The following KCTD16 variants were observed in gnomAD, a reference collection of about 807,000 sequenced individuals.
KCTD16 encodes BTB/POZ domain-containing protein KCTD16.
KCTD16 carries 13 observed loss-of-function variants against 33.2 expected under a neutral mutation model. That is an observed-to-expected ratio of 0.39 (90% CI 0.25 to 0.62). The LOEUF (loss-of-function observed/expected upper bound fraction) is 0.62. Among genes scored for constraint, KCTD16 ranks in the 20% least tolerant of loss-of-function variants. The probability of loss-of-function intolerance (pLI) is 0.50; values close to 1 mark genes in which losing one functional copy is unlikely to be tolerated. For missense variants in KCTD16, 441 were observed against 525.1 expected, an observed-to-expected ratio of 0.84 and a Z score of 1.57; for synonymous variants, 197 against 195.3, an observed-to-expected ratio of 1.01 and a Z score of -0.07.
At chr5:144,311,934 A>G (rs1265804289) in intron 3 of KCTD16, among the ~76,000 whole-genome samples, 1 of 152,090 alleles carries the variant, frequency 6.6e-6, no homozygotes, top group Non-Finnish European at 1.5e-5. Context: ...TTCAAATCTT[A>G]AAAGGTGATT....
Position 144,475,711 on chromosome 5 carries a change from T to A in KCTD16, c.*1597T>A, listed in dbSNP as rs543896990. 2.0e-5 allele frequency: 3 copies of A among 152,648 alleles called. No homozygotes were observed. The highest frequency in any genetic ancestry group is 4.4e-5 in the Non-Finnish European group (3 of 68,032). The allele number at this position is 152,648 out of a possible 1,614,324, so 9.5% of individuals were successfully genotyped here. On this transcript the variant is annotated 3_prime_UTR_variant, in exon 4 of 4. Coordinates refer to ENST00000512467, the MANE Select transcript of KCTD16 (RefSeq NM_020768.4). ...TGTGTATCACAGGTAATAAAGGCAA[T>A]TGGATGATATCTGTAGGAGGAAAAC...
intron 3 of KCTD16, among the ~76,000 whole-genome samples, chr5:144,426,538 A>G (rs575265562): frequency 1.3e-5 from 2 of 152,104 alleles, no homozygotes; most frequent in Admixed American, 6.6e-5. Context: ...TTTTTTTAAA[A>G]ATAGTATTAG....
At chr5:144,473,550 G>A in intron 3 of KCTD16, 110 bp from the exon 4 acceptor site, 1 of 1,143,942 alleles carries the variant, frequency 8.7e-7, no homozygotes, top group Non-Finnish European at 1.2e-6. Context: ...TAAAAGCATG[G>A]TTCTGCGATG....
At chr5:144,452,165 T>TATATATATATATATATATATATATATA (rs1561613198) in intron 3 of KCTD16, among the ~76,000 whole-genome samples, 7 of 148,272 alleles carry the variant, frequency 4.7e-5, no homozygotes, top group African/African-American at 1.8e-4. Flanking sequence ...TATATATATA[T>TATATATATATATATATATATATATATA]TCCTGTCACT....
In KCTD16 at chr5:144,299,914, A is replaced by C. The variant is rs956512824; in HGVS notation, c.832+92368A>C. On this transcript the variant is annotated intron_variant, in intron 3 of 3. Transcript: ENST00000512467. ...AGAATCATTTAAAAAAAAAAAAAAAAACAAAAAACAAAAAACAAAAAGACC... is the reference window on the plus strand; with the variant it reads ...AGAATCATTTAAAAAAAAAAAAAAACACAAAAAACAAAAAACAAAAAGACC... Among the ~76,000 whole-genome samples, 1,457 of 147,708 alleles carry C rather than the reference A, an allele frequency of 9.9e-3. 21 individuals are homozygous for C. Among genetic ancestry groups the C allele is most frequent in the African/African-American group, 0.036 (1,366 of 38,092 alleles).
chr5:144,245,296 A>G (rs1338278342), intron 3 of KCTD16, among the ~76,000 whole-genome samples: 2 of 152,170 alleles, frequency 1.3e-5, no homozygotes, highest in African/African-American at 2.4e-5. Context: ...AGAGAAGACT[A>G]TTTTAATATA....
intron 3 of KCTD16, among the ~76,000 whole-genome samples, chr5:144,360,709 C>T (rs540998398): frequency 1.4e-4 from 22 of 152,182 alleles, no homozygotes; most frequent in Non-Finnish European, 2.9e-4. Context: ...GGATTACAGG[C>T]GTGAGCCACA....
At chr5:144,285,458 C>T (rs77655482) in intron 3 of KCTD16, among the ~76,000 whole-genome samples, 2,307 of 152,300 alleles carry the variant, frequency 0.015, 36 homozygotes, top group Middle Eastern at 0.034. Flanking sequence ...CCAGTTCCTT[C>T]TGTCATACAG....
At chr5:144,334,603 A>G (rs545427345) in intron 3 of KCTD16, among the ~76,000 whole-genome samples, 1 of 152,262 alleles carries the variant, frequency 6.6e-6, no homozygotes, top group East Asian at 1.9e-4. Flanking sequence ...CTTTGTCTCC[A>G]CGATTTAAAT....
chr5:144,412,565 A>G (rs1460691534), intron 3 of KCTD16, among the ~76,000 whole-genome samples: 1 of 152,138 alleles, frequency 6.6e-6, no homozygotes. Context: ...AGTGGATTCA[A>G]ATATACAGTT....
At chr5:144,311,099 G>A (rs758442776) in intron 3 of KCTD16, among the ~76,000 whole-genome samples, 1 of 152,120 alleles carries the variant, frequency 6.6e-6, no homozygotes, top group Non-Finnish European at 1.5e-5. Context: ...GGTGTGTACA[G>A]GCTAGACCAA....
At chr5:144,304,613 G>A (rs979823759) in intron 3 of KCTD16, among the ~76,000 whole-genome samples, 1 of 152,128 alleles carries the variant, frequency 6.6e-6, no homozygotes, top group Non-Finnish European at 1.5e-5. Context: ...TATGGAAGAA[G>A]TGAGTTCAAA....
At chr5:144,289,045 C>G (rs1032746578) in intron 3 of KCTD16, among the ~76,000 whole-genome samples, 1 of 151,446 alleles carries the variant, frequency 6.6e-6, no homozygotes, top group South Asian at 2.1e-4. Flanking sequence ...AACAAAAAAA[C>G]AAGCAAGCAA....
intron 2 of KCTD16, among the ~76,000 whole-genome samples, chr5:144,188,538 A>G (rs955495348): frequency 6.6e-6 from 1 of 152,232 alleles, no homozygotes. Flanking sequence ...AACCTCTGGC[A>G]AATTTGTCAT....
chr5:144,238,610 G>A (rs573916892), intron 3 of KCTD16, among the ~76,000 whole-genome samples: 1 of 152,204 alleles, frequency 6.6e-6, no homozygotes, highest in East Asian at 1.9e-4. Flanking sequence ...ATGATCACCT[G>A]GTCTTGATTC....
intron 3 of KCTD16, among the ~76,000 whole-genome samples, chr5:144,449,460 C>T (rs1206346022): frequency 6.6e-6 from 1 of 151,904 alleles, no homozygotes; most frequent in Non-Finnish European, 1.5e-5. Context: ...TGTGAAAGAA[C>T]AAAGTTGATG....
At chr5:144,367,576 A>G (rs1007360262) in intron 3 of KCTD16, among the ~76,000 whole-genome samples, 39 of 152,238 alleles carry the variant, frequency 2.6e-4, no homozygotes, top group Middle Eastern at 3.4e-3. Flanking sequence ...GTGTGTCCCC[A>G]AGGAGGTCAC....
chr5:144,462,652 A>G (rs1754226588), intron 3 of KCTD16, among the ~76,000 whole-genome samples: 1 of 151,982 alleles, frequency 6.6e-6, no homozygotes, highest in Admixed American at 6.6e-5. Flanking sequence ...TAACAATTAC[A>G]TCAGTGAAGA....
chr5:144,474,131 G>GA lies in KCTD16; in HGVS notation c.*17_*18insA. ...CATCTATAAGGGAGGGCTGGGGGCG[G>GA]GAAAAGAAAAAAAAAAGTCATTTTG... is the stretch of plus-strand genomic sequence containing the variant. On this transcript the variant is annotated 3_prime_UTR_variant, in exon 4 of 4. Coordinates refer to ENST00000512467, the MANE Select transcript of KCTD16 (RefSeq NM_020768.4). 6.5e-7 allele frequency: 1 copy of GA among 1,526,894 alleles called. No homozygotes were observed. The highest frequency in any genetic ancestry group is 8.8e-7 in the Non-Finnish European group (1 of 1,131,776). 94.6% of individuals were successfully genotyped at this position (1,526,894 alleles called of 1,614,324 possible). A position where few individuals can be genotyped will look rare whatever the true frequency, so the allele number is the denominator to read the frequency against.
Sources: allele counts gnomAD v4.1 joint callset (sites outside exome capture counted in the v4.1 genomes callset), GRCh38; gene constraint gnomAD v4.1.1; transcripts MANE v1.5; gene names NCBI Gene and HGNC (gene_info 2026-07-23, HGNC 2026-07-21).